The following UTRN variants were observed in gnomAD, a reference collection of about 807,000 sequenced individuals.
The protein encoded by UTRN is utrophin.
UTRN carries 283 observed loss-of-function variants against 463.9 expected under a neutral mutation model. That is an observed-to-expected ratio of 0.61 (90% CI 0.55 to 0.67). The LOEUF (loss-of-function observed/expected upper bound fraction) is 0.67, where lower values mean the gene tolerates loss of function less well. Ranked by LOEUF, UTRN falls within the 30% of genes least tolerant of loss-of-function variation. UTRN has a pLI of 0.00. For synonymous variants in UTRN, 1,442 were observed against 1,431.5 expected, an observed-to-expected ratio of 1.01 and a Z score of -0.17; for missense variants, 3,922 against 4,084.3, an observed-to-expected ratio of 0.96 and a Z score of 1.08.
At chr6:144,471,803 T>C (rs1287400776) in intron 23 of UTRN, among the ~76,000 whole-genome samples, 6 of 152,174 alleles carry the variant, frequency 3.9e-5, no homozygotes, top group Admixed American at 3.9e-4. Context: ...GTGCCAAGAA[T>C]AAACGAGATG....
At chr6:144,619,524 A>T (rs1775127081) in intron 51 of UTRN, among the ~76,000 whole-genome samples, 1 of 152,308 alleles carries the variant, frequency 6.6e-6, no homozygotes, top group Non-Finnish European at 1.5e-5. Context: ...TTGGGTGTCT[A>T]CACAGAAAAA....
chr6:144,732,241 T>TATAC (rs1554359947), intron 54 of UTRN, among the ~76,000 whole-genome samples: 41 of 23,904 alleles, frequency 1.7e-3, no homozygotes, highest in Middle Eastern at 0.015. Flanking sequence ...TATATATACA[T>TATAC]ATATATATAT....
chr6:144,689,515 C>T (rs1169356994), intron 52 of UTRN, among the ~76,000 whole-genome samples: 1 of 152,168 alleles, frequency 6.6e-6, no homozygotes, highest in Non-Finnish European at 1.5e-5. Context: ...CCCTCTTTCC[C>T]CTAGGAGGAG....
chr6:144,437,325 G>A (rs373561097), intron 10 of UTRN, among the ~76,000 whole-genome samples: 15 of 152,260 alleles, frequency 9.9e-5, no homozygotes, highest in African/African-American at 3.6e-4. Flanking sequence ...CTTTAAAATA[G>A]CTGGTATTAT....
At chr6:144,583,817 A>G (rs1802207903) in intron 51 of UTRN, among the ~76,000 whole-genome samples, 1 of 152,212 alleles carries the variant, frequency 6.6e-6, no homozygotes, top group Non-Finnish European at 1.5e-5. Context: ...AATTGACACA[A>G]TCTTGTCTTC....
intron 2 of UTRN, among the ~76,000 whole-genome samples, chr6:144,296,462 T>C (rs1256511833): frequency 1.3e-5 from 2 of 152,202 alleles, no homozygotes; most frequent in African/African-American, 4.8e-5. Context: ...TGCTGCACTT[T>C]AATTAACTCC....
rs1782499906 is a variant in UTRN, at chr6:144,851,793, TTA to T, written c.*798_*799del. The T allele has an allele frequency of 6.6e-6, 1 of 152,298 alleles. No homozygotes were observed. The highest frequency in any genetic ancestry group is 1.9e-4 in the East Asian group (1 of 5,186). The allele number at this position is 152,298 out of a possible 1,614,324, so 9.4% of individuals were successfully genotyped here. A position where few individuals can be genotyped will look rare whatever the true frequency, so the allele number is the denominator to read the frequency against. ...TATAAGTAGGAATTAATTATTTATT[TTA>T]TGTCTTAATCTATTTGATAAAGAAG... On this transcript the variant is annotated 3_prime_UTR_variant, in exon 75 of 75. Transcript: ENST00000367545.
intron 2 of UTRN, among the ~76,000 whole-genome samples, chr6:144,340,128 C>T (rs974802952): frequency 7.2e-5 from 11 of 152,180 alleles, no homozygotes; most frequent in Non-Finnish European, 1.6e-4. Context: ...GATCACACCA[C>T]TGCACTCCAG....
intron 15 of UTRN, 113 bp from the exon 16 acceptor site, chr6:144,447,489 T>A: frequency 7.3e-7 from 1 of 1,367,108 alleles, no homozygotes; most frequent in Non-Finnish European, 1.0e-6. Context: ...CATAGTGAAC[T>A]GCAAAGCATG....
chr6:144,846,451 G>A (rs1267231789), intron 73 of UTRN, among the ~76,000 whole-genome samples: 4 of 152,176 alleles, frequency 2.6e-5, no homozygotes, highest in Admixed American at 6.5e-5. Flanking sequence ...TTAGTACTCA[G>A]CAAAGTAAGT....
At chr6:144,455,104 C>G (rs544079624) in intron 19 of UTRN, among the ~76,000 whole-genome samples, 1 of 152,104 alleles carries the variant, frequency 6.6e-6, no homozygotes, top group East Asian at 1.9e-4. Flanking sequence ...TATACACACA[C>G]AAACATATAT....
intron 2 of UTRN, among the ~76,000 whole-genome samples, chr6:144,387,023 T>C (rs1374417753): frequency 6.6e-6 from 1 of 152,224 alleles, no homozygotes; most frequent in Non-Finnish European, 1.5e-5. Context: ...CCCAGGTTTC[T>C]ATTCTTTTTC....
chr6:144,721,045 C>A (rs191064685), intron 53 of UTRN, among the ~76,000 whole-genome samples: 1 of 152,194 alleles, frequency 6.6e-6, no homozygotes. Context: ...TACTTTAATG[C>A]CACCTAAGGA....
intron 66 of UTRN, among the ~76,000 whole-genome samples, chr6:144,822,485 GAT>G (rs1237254654): frequency 1.3e-5 from 2 of 152,076 alleles, no homozygotes; most frequent in Non-Finnish European, 1.5e-5. Flanking sequence ...GTACACTTAA[GAT>G]ATATTCTTTC....
chr6:144,309,374 A>G (rs149509421), intron 2 of UTRN, among the ~76,000 whole-genome samples: 2 of 152,260 alleles, frequency 1.3e-5, no homozygotes, highest in East Asian at 3.9e-4. Flanking sequence ...CACATCTTCT[A>G]TGTTCAGATC....
chr6:144,763,896 T>A (rs561408655), intron 58 of UTRN, among the ~76,000 whole-genome samples: 1 of 152,196 alleles, frequency 6.6e-6, no homozygotes, highest in Admixed American at 6.5e-5. Context: ...CTTCCCTCTT[T>A]CGTGAAGATG....
At chr6:144,610,060 A>C (rs1364710757) in intron 51 of UTRN, among the ~76,000 whole-genome samples, 1 of 152,054 alleles carries the variant, frequency 6.6e-6, no homozygotes, top group Non-Finnish European at 1.5e-5. Flanking sequence ...AGTGACCAGA[A>C]GGAAGGAAAG....
chr6:144,613,076 T>C (rs1438511655), intron 51 of UTRN, among the ~76,000 whole-genome samples: 1 of 152,038 alleles, frequency 6.6e-6, no homozygotes, highest in African/African-American at 2.4e-5. Context: ...AGCCTGGAAG[T>C]CATTATGTAA....
At chr6:144,550,794 G>A (rs1384046127) in intron 47 of UTRN, among the ~76,000 whole-genome samples, 171 bp from the exon 48 acceptor site, 1 of 152,180 alleles carries the variant, frequency 6.6e-6, no homozygotes, top group Non-Finnish European at 1.5e-5. Context: ...AGATTTGAAT[G>A]CAGGATCCTT....
Sources: gnomAD v4.1 joint callset for allele counts (sites outside exome capture counted in the v4.1 genomes callset) on GRCh38, gnomAD v4.1.1 for gene constraint, MANE v1.5 for transcripts, NCBI Gene and HGNC (gene_info 2026-07-23, HGNC 2026-07-21) for gene names.